The following PIKFYVE variants were observed in gnomAD, a reference collection of about 807,000 sequenced individuals.
The protein encoded by PIKFYVE is 1-phosphatidylinositol 3-phosphate 5-kinase.
Under a neutral mutation model 257.9 loss-of-function variants are expected in PIKFYVE, and 122 were observed. The observed-to-expected ratio is 0.47, with a 90% CI of 0.41 to 0.55. The LOEUF (loss-of-function observed/expected upper bound fraction) is 0.55, where lower values mean the gene tolerates loss of function less well. Ranked by LOEUF, PIKFYVE falls within the 20% of genes least tolerant of loss-of-function variation. The pLI is 0.00. For missense variants in PIKFYVE, 2,160 were observed against 2,536.6 expected (o/e 0.85, Z 3.19); for synonymous variants, 892 against 868.9 (o/e 1.03, Z -0.47).
At chr2:208,329,799 G>A (rs747872239) in intron 21 of PIKFYVE, 43 bp from the exon 22 acceptor site, 2 of 1,604,536 alleles carry the variant, frequency 1.2e-6, no homozygotes, top group South Asian at 2.2e-5. Flanking sequence ...TGTCTCTGGG[G>A]CATGGTAATT....
At chr2:208,273,810 T>C (rs1689742531) in intron 3 of PIKFYVE, 77 bp downstream of exon 3, 1 of 1,553,668 alleles carries the variant, frequency 6.4e-7, no homozygotes, top group East Asian at 2.2e-5. Flanking sequence ...AGGTTGTTTA[T>C]AGCAGGACTT....
At chr2:208,268,106 G>A (rs964942366) in intron 1 of PIKFYVE, among the ~76,000 whole-genome samples, 1 of 152,274 alleles carries the variant, frequency 6.6e-6, no homozygotes, top group South Asian at 2.1e-4. Flanking sequence ...TTAAAGCGTT[G>A]TTAAGCTGCT....
At chr2:208,270,921 A>G (rs1008755606) in intron 1 of PIKFYVE, among the ~76,000 whole-genome samples, 1 of 151,956 alleles carries the variant, frequency 6.6e-6, no homozygotes, top group African/African-American at 2.4e-5. Flanking sequence ...CTATAGTCCC[A>G]GCTACTCAGG....
intron 10 of PIKFYVE, among the ~76,000 whole-genome samples, chr2:208,303,006 T>C (rs944902810): frequency 1.3e-5 from 2 of 152,036 alleles, no homozygotes; most frequent in African/African-American, 4.8e-5. Context: ...GACGTGAACC[T>C]GGGAGGTGGA....
intron 22 of PIKFYVE, among the ~76,000 whole-genome samples, chr2:208,330,155 A>T (rs984354071): frequency 1.9e-4 from 29 of 152,094 alleles, no homozygotes; most frequent in African/African-American, 6.5e-4. Context: ...CATTTTTCGG[A>T]TACCTGTTTT....
At chr2:208,352,405 T>C (rs192203271) in intron 38 of PIKFYVE, among the ~76,000 whole-genome samples, 5 of 152,240 alleles carry the variant, frequency 3.3e-5, no homozygotes, top group African/African-American at 1.2e-4. Context: ...AAATTACATG[T>C]CATAATGAAG....
At chr2:208,327,436 T>C (rs568721496) in intron 20 of PIKFYVE, among the ~76,000 whole-genome samples, 1 of 152,286 alleles carries the variant, frequency 6.6e-6, no homozygotes, top group Admixed American at 6.5e-5. Flanking sequence ...ATTGAAACAG[T>C]TTAAGGATGA....
intron 23 of PIKFYVE, among the ~76,000 whole-genome samples, chr2:208,332,753 G>GTA (rs1229375035): frequency 3.3e-5 from 5 of 151,842 alleles, no homozygotes; most frequent in African/African-American, 9.7e-5. Flanking sequence ...ATGTATATAT[G>GTA]TATATGTGTG....
chr2:208,305,130 T>A, intron 12 of PIKFYVE, 117 bp downstream of exon 12: 4 of 1,555,556 alleles, frequency 2.6e-6, no homozygotes, highest in East Asian at 2.4e-5. Context: ...GTATTTGGTG[T>A]GGGTTTTGTT....
At position 208,353,988 on chromosome 2, in the gene PIKFYVE, C is replaced by G. The variant is rs770065851; in HGVS notation, c.5935C>G (p.Leu1979Val). The G allele has an allele frequency of 6.2e-7, 1 of 1,614,048 alleles. No homozygotes were observed. Among genetic ancestry groups the G allele is most frequent in the Non-Finnish European group, 8.5e-7 (1 of 1,179,968 alleles). Residue 1979 changes from leucine to valine, a missense_variant, in exon 40 of 42, where the codon CTC becomes GTC. Coordinates refer to ENST00000264380, the MANE Select transcript of PIKFYVE (RefSeq NM_015040.4). ...SCDVVLLDEN[L>V]LKMVRDNPLY... Reference sequence around the variant, plus strand: ...TGATGTGGTCCTGCTAGATGAAAATCTCCTAAAGATGGTTCGAGACAACCC... The same window carrying G: ...TGATGTGGTCCTGCTAGATGAAAATGTCCTAAAGATGGTTCGAGACAACCC...
intron 24 of PIKFYVE, 141 bp downstream of exon 24, chr2:208,333,634 G>A: frequency 1.1e-6 from 1 of 892,842 alleles, no homozygotes; most frequent in Non-Finnish European, 1.7e-6. Context: ...GGACCAGACT[G>A]TATTAAGAAC....
chr2:208,277,032 C>T (rs907935291), intron 4 of PIKFYVE, among the ~76,000 whole-genome samples: 6 of 152,094 alleles, frequency 3.9e-5, no homozygotes, highest in Non-Finnish European at 8.8e-5. Flanking sequence ...TAGTGCTTTT[C>T]GCGTTCTGTT....
At chr2:208,321,573 T>TTC (rs1559120696) in intron 17 of PIKFYVE, among the ~76,000 whole-genome samples, 1 of 10,774 alleles carries the variant, frequency 9.3e-5, no homozygotes, top group Admixed American at 1.7e-3. Context: ...TTCTTTTCTT[T>TTC]TGTTTTTTTT....
intron 2 of PIKFYVE, 24 bp downstream of exon 2, chr2:208,271,715 G>A: frequency 6.2e-7 from 1 of 1,600,506 alleles, no homozygotes; most frequent in Non-Finnish European, 8.6e-7. Context: ...AAGATAAGAG[G>A]TTTGATTCAG....
intron 1 of PIKFYVE, among the ~76,000 whole-genome samples, chr2:208,268,008 G>C (rs193118828): frequency 5.9e-5 from 9 of 152,304 alleles, no homozygotes; most frequent in Admixed American, 5.9e-4. Context: ...AATTAGAAAT[G>C]GTGAAGTATT....
At chr2:208,329,979 C>T (rs1354391522) in intron 22 of PIKFYVE, 66 bp downstream of exon 22, 27 of 1,576,870 alleles carry the variant, frequency 1.7e-5, no homozygotes, top group East Asian at 4.6e-5. Flanking sequence ...CAAGCTAAAA[C>T]GTAAACATGA....
At position 208,298,893 on chromosome 2, in the gene PIKFYVE, G is replaced by A. The variant is rs954079699; in HGVS notation, c.1050+114G>A. 30 of 1,355,982 alleles carry A rather than the reference G, an allele frequency of 2.2e-5. No individual in the cohort carries two copies. In the African/African-American group the frequency reaches 3.6e-4, roughly 16 times the overall value. 84.0% of individuals were successfully genotyped at this position (1,355,982 alleles called of 1,614,324 possible). A position where few individuals can be genotyped will look rare whatever the true frequency, so the allele number is the denominator to read the frequency against. ...GGTCTTGGTGTGCTGCCCAGGCTGG[G>A]GTGCAGTGGTGTGATCTTGGCTCCC... On this transcript the variant is annotated intron_variant, in intron 8 of 41. Transcript: ENST00000264380.
chr2:208,350,160 G>A, intron 36 of PIKFYVE, 77 bp downstream of exon 36: 1 of 1,573,604 alleles, frequency 6.4e-7, no homozygotes, highest in Non-Finnish European at 8.6e-7. Flanking sequence ...GAGAATTCTA[G>A]CTTCATACTA....
At chr2:208,270,778 A>G (rs1298969310) in intron 1 of PIKFYVE, among the ~76,000 whole-genome samples, 1 of 152,168 alleles carries the variant, frequency 6.6e-6, no homozygotes, top group Non-Finnish European at 1.5e-5. Context: ...TCATGCCTGT[A>G]ATCCCAGCAC....
Sources: gnomAD v4.1 joint callset for allele counts (sites outside exome capture counted in the v4.1 genomes callset) on GRCh38, gnomAD v4.1.1 for gene constraint, MANE v1.5 for transcripts, NCBI Gene and HGNC (gene_info 2026-07-23, HGNC 2026-07-21) for gene names.